Variants in TACC2 observed in about 807,000 individuals in gnomAD.
The protein encoded by TACC2 is transforming acidic coiled-coil containing protein 2.
In TACC2, 137 loss-of-function variants were observed where a neutral mutation model predicts 227.3. That is an observed-to-expected ratio of 0.60 (90% CI 0.52 to 0.69). The LOEUF (loss-of-function observed/expected upper bound fraction) is 0.69, where lower values mean the gene tolerates loss of function less well. TACC2 is among the 30% of genes least tolerant of loss of function. The pLI is 0.00. For synonymous variants in TACC2, 1,523 were observed against 1,487.5 expected, an observed-to-expected ratio of 1.02 and a Z score of -0.55; for missense variants, 3,470 against 3,694.4, an observed-to-expected ratio of 0.94 and a Z score of 1.57.
chr10:122,019,709 G>A (rs1460194567), intron 1 of TACC2: 2 of 152,300 alleles, frequency 1.3e-5, no homozygotes, highest in Non-Finnish European at 2.9e-5. Flanking sequence ...TCCTGCCCAG[G>A]TATGAAGTGC....
chr10:122,211,833 A>G, intron 9 of TACC2, 125 bp downstream of exon 9: 1 of 743,388 alleles, frequency 1.3e-6, no homozygotes, highest in Non-Finnish European at 2.1e-6. Flanking sequence ...TGATGATGCC[A>G]CGCTTACGGC....
chr10:122,178,235 CTTTCTTTT>C (rs1218663013), intron 7 of TACC2, among the ~76,000 whole-genome samples: 2 of 132,366 alleles, frequency 1.5e-5, no homozygotes, highest in East Asian at 4.4e-4. Flanking sequence ...TTTTTTCTTT[CTTTCTTTT>C]TTTTTTTTTT....
At chr10:122,121,603 T>G (rs549671677) in intron 5 of TACC2, among the ~76,000 whole-genome samples, 40 of 152,302 alleles carry the variant, frequency 2.6e-4, no homozygotes, top group African/African-American at 9.4e-4. Flanking sequence ...TTTAAAAAAT[T>G]TGGCTTCAAA....
chr10:122,185,992 G>T (rs1403140773), intron 7 of TACC2, among the ~76,000 whole-genome samples: 1 of 152,014 alleles, frequency 6.6e-6, no homozygotes, highest in Non-Finnish European at 1.5e-5. Context: ...GTGCAGTGGT[G>T]TGATCTCGGC....
chr10:121,991,216 A>C (rs1953015289), intron 1 of TACC2, among the ~76,000 whole-genome samples: 1 of 152,210 alleles, frequency 6.6e-6, no homozygotes, highest in Admixed American at 6.5e-5. Context: ...TTATGTATGG[A>C]GATAAATGAA....
At chr10:122,002,229 C>G (rs982253408) in intron 1 of TACC2, among the ~76,000 whole-genome samples, 3 of 152,328 alleles carry the variant, frequency 2.0e-5, no homozygotes, top group Middle Eastern at 6.8e-3. Context: ...GCCCTCCTGA[C>G]CTAATCACCT....
At chr10:122,100,646 G>A (rs879601641) in intron 5 of TACC2, among the ~76,000 whole-genome samples, 3 of 152,016 alleles carry the variant, frequency 2.0e-5, no homozygotes, top group East Asian at 1.9e-4. Flanking sequence ...GGCTGGTTTC[G>A]AACTCCTGAC....
chr10:122,020,892 G>A (rs1190988261), intron 1 of TACC2, among the ~76,000 whole-genome samples: 1 of 152,158 alleles, frequency 6.6e-6, no homozygotes, highest in African/African-American at 2.4e-5. Flanking sequence ...GTCAATAAGT[G>A]TACTGGGCTT....
intron 7 of TACC2, among the ~76,000 whole-genome samples, chr10:122,170,177 AACC>A (rs2093395888): frequency 6.6e-6 from 1 of 150,798 alleles, no homozygotes; most frequent in South Asian, 2.1e-4. Context: ...CATTCAAACG[AACC>A]CAGCCCCACC....
At position 122,210,661 on chromosome 10, in the gene TACC2, C is replaced by G. The variant is rs1272564235; in HGVS notation, c.6236C>G (p.Ser2079Cys). 1 of 1,614,142 alleles carries G rather than the reference C, an allele frequency of 6.2e-7. No individual in the cohort carries two copies. The highest frequency in any genetic ancestry group is 8.5e-7 in the Non-Finnish European group (1 of 1,180,046). ...AAGTCCACGGATTCCGTCCCCATCT[C>G]TAAGTCTACACTGTCCCGGTCGCTC... The part of the protein sequence containing the change: ...RRKSTDSVPI[S>C]KSTLSRSLSL... The change falls in exon 9 of 23, where the codon TCT becomes TGT. Residue 2079 changes from serine (S) to cysteine (C), a missense_variant. Physicochemically the swap from Ser to Cys is moderately radical, Grantham distance 112 (BLOSUM62 -1). Transcript: ENST00000369005. The surrounding 1 kb of genome is among the most constrained non-coding windows in gnomAD (Gnocchi z 4.6).
intron 2 of TACC2, among the ~76,000 whole-genome samples, chr10:122,029,142 T>C (rs1219724328): frequency 6.6e-6 from 1 of 151,092 alleles, no homozygotes; most frequent in African/African-American, 2.4e-5. Flanking sequence ...TCTTTCACTG[T>C]TAAGTAAGAT....
intron 1 of TACC2, among the ~76,000 whole-genome samples, chr10:121,995,553 T>A (rs1002037616): frequency 2.6e-5 from 4 of 152,218 alleles, no homozygotes; most frequent in African/African-American, 7.2e-5. Context: ...TGTTTTGCAT[T>A]GCTGTAAAGG....
intron 5 of TACC2, among the ~76,000 whole-genome samples, chr10:122,116,163 C>T (rs2084665474): frequency 1.3e-5 from 2 of 152,074 alleles, no homozygotes; most frequent in South Asian, 4.2e-4. Flanking sequence ...CCAGGGAAAC[C>T]AAAGTTTGCA....
At chr10:122,107,603 AT>A (rs1270804365) in intron 5 of TACC2, among the ~76,000 whole-genome samples, 20 of 125,904 alleles carry the variant, frequency 1.6e-4, no homozygotes, top group African/African-American at 4.6e-4. Context: ...AACAAACAAA[AT>A]AATAATAATA....
chr10:122,016,273 G>GA (rs67951878), intron 1 of TACC2, among the ~76,000 whole-genome samples: 6,551 of 122,838 alleles, frequency 0.053, 223 homozygotes, highest in Non-Finnish European at 0.079. Flanking sequence ...AAAAAAAAAG[G>GA]AAAAAAAAAA....
At chr10:122,236,970 T>C (rs1461075975) in intron 16 of TACC2, among the ~76,000 whole-genome samples, 1 of 152,224 alleles carries the variant, frequency 6.6e-6, no homozygotes, top group African/African-American at 2.4e-5. Context: ...ATCAAATCTG[T>C]GGTTATTCAA....
intron 3 of TACC2, among the ~76,000 whole-genome samples, chr10:122,063,646 C>G (rs2077075879): frequency 6.6e-6 from 1 of 151,996 alleles, no homozygotes; most frequent in African/African-American, 2.4e-5. Flanking sequence ...AAAAAATCAC[C>G]AATGCTCCTA....
rs1203934329 is a variant in TACC2 at position 122,083,911 on chromosome 10, C to T, written c.1411C>T (p.Gln471Ter). ...VDAGLVGLERQVSDLGSKGEH... is the reference protein window; with the variant it reads ...VDAGLVGLER ...TGCAGGGTTGGTGGGACTGGAGAGG[C>T]AGGTGTCAGATCTTGGAAGCAAGGG... Residue 471 changes from glutamine to a stop codon, truncating the protein, a stop_gained, in exon 4 of 23, where the codon CAG becomes TAG. Coordinates refer to ENST00000369005, the MANE Select transcript of TACC2 (RefSeq NM_206862.4). LOFTEE classifies it high-confidence loss of function. 1.2e-6 allele frequency: 2 copies of T among 1,614,064 alleles called. No homozygotes were observed. Among genetic ancestry groups the T allele is most frequent in the South Asian group, 2.2e-5 (2 of 91,078 alleles).
At chr10:122,116,819 G>A (rs1409554559) in intron 5 of TACC2, among the ~76,000 whole-genome samples, 4 of 152,000 alleles carry the variant, frequency 2.6e-5, no homozygotes, top group Non-Finnish European at 4.4e-5. Context: ...TAGAAGCTGT[G>A]TATTGACTCT....
Sources: gnomAD v4.1 joint callset for allele counts (sites outside exome capture counted in the v4.1 genomes callset) on GRCh38, gnomAD v4.1.1 for gene constraint, Gnocchi (gnomAD v3.1) non-coding constraint, MANE v1.5 for transcripts, NCBI Gene and HGNC (gene_info 2026-07-23, HGNC 2026-07-21) for gene names.